Variants in ZNF609 observed in about 807,000 individuals in gnomAD.
ZNF609 encodes zinc finger protein 609.
A neutral mutation model predicts 109.5 loss-of-function variants in ZNF609; 11 were observed. The ratio of observed to expected loss-of-function variants is 0.10; its 90% CI spans 0.06 to 0.17. The LOEUF is 0.17. ZNF609 is among the 10% of genes least tolerant of loss of function. ZNF609 has a pLI of 1.00. For missense variants in ZNF609, 1,559 were observed against 1,772.4 expected, an observed-to-expected ratio of 0.88 and a Z score of 2.16; for synonymous variants, 646 against 662.0, an observed-to-expected ratio of 0.98 and a Z score of 0.37.
intron 2 of ZNF609, among the ~76,000 whole-genome samples, chr15:64,599,622 G>A (rs1421247721): frequency 1.3e-5 from 2 of 151,858 alleles, no homozygotes; most frequent in African/African-American, 4.8e-5. Flanking sequence ...ATTCCTAGGA[G>A]CCCTCCTTTT....
chr15:64,503,146 T>G (rs2140352860), intron 2 of ZNF609: 1 of 152,340 alleles, frequency 6.6e-6, no homozygotes, highest in South Asian at 2.1e-4. Flanking sequence ...CTGGGAAATT[T>G]TCTGTCAGAC....
chr15:64,534,344 C>T (rs982820936), intron 2 of ZNF609, among the ~76,000 whole-genome samples: 2 of 149,134 alleles, frequency 1.3e-5, no homozygotes, highest in African/African-American at 5.0e-5. Flanking sequence ...TAGAGTCTCG[C>T]TCTGTCGCCC....
chr15:64,574,109 A>G lies in ZNF609; in HGVS notation c.748-48718A>G, dbSNP rs1264026041. 4.6e-5 allele frequency among the ~76,000 whole-genome samples: 7 copies of G among 151,286 alleles called. No homozygotes were observed. In the South Asian group the frequency reaches 6.3e-4, roughly 14 times the overall value. ...AGGGGCCCCTGTTCACTGAGGGGCTAACAGCTGGAATTGTGGCACTGCATT... is the reference window on the plus strand; with the variant it reads ...AGGGGCCCCTGTTCACTGAGGGGCTGACAGCTGGAATTGTGGCACTGCATT... On this transcript the variant is annotated intron_variant, in intron 2 of 9. Transcript: ENST00000326648.
rs1435974587 is a variant in ZNF609, at chr15:64,675,730, C to T, written c.2876C>T (p.Ser959Leu). Residue 959 changes from serine (S) to leucine (L), a missense_variant, in exon 5 of 10, where the codon TCG becomes TTG. Ser to Leu is a moderately radical substitution (Grantham distance 145). This residue lies in a region of ZNF609 where 1,204 missense variants were observed against 1,314.1 expected (regional missense o/e 0.92). Transcript: ENST00000326648. ...CTGAGCAGTTCCAGTCAGCAGCCCT[C>T]GGTCATCCAGCAGCGTCCCAATATG... ...PELSSSSQQP[S>L]VIQQRPNMYM... 19 of 1,614,168 alleles carry T rather than the reference C, an allele frequency of 1.2e-5. No homozygotes were observed. The highest frequency in any genetic ancestry group is 1.5e-5 in the Non-Finnish European group (18 of 1,180,044).
intron 1 of ZNF609, among the ~76,000 whole-genome samples, chr15:64,479,857 T>G (rs926808588): frequency 6.6e-6 from 1 of 151,668 alleles, no homozygotes; most frequent in Non-Finnish European, 1.5e-5. Context: ...AGGCAGAGGT[T>G]GTAGTGAGCC....
chr15:64,547,297 A>T (rs1354368874), intron 2 of ZNF609, among the ~76,000 whole-genome samples: 1 of 152,098 alleles, frequency 6.6e-6, no homozygotes, highest in Non-Finnish European at 1.5e-5. Flanking sequence ...ACTCAACTTT[A>T]GACAGTGAGA....
intron 2 of ZNF609, among the ~76,000 whole-genome samples, chr15:64,563,825 A>AAT (rs2140406336): frequency 6.6e-6 from 1 of 151,962 alleles, no homozygotes; most frequent in African/African-American, 2.4e-5. Flanking sequence ...ATATATATAT[A>AAT]ATATATATGT....
At chr15:64,511,481 CAAAA>C (rs796464007) in intron 2 of ZNF609, among the ~76,000 whole-genome samples, 5 of 65,168 alleles carry the variant, frequency 7.7e-5, no homozygotes, top group African/African-American at 5.0e-5. Flanking sequence ...AACTTTGTCT[CAAAA>C]AAAAAAAAAA....
In ZNF609 at chr15:64,602,889, A is replaced by ATTTTT. The variant is rs10600562; in HGVS notation, c.748-19913_748-19909dup. Among the ~76,000 whole-genome samples the ATTTTT allele has an allele frequency of 2.2e-3, 164 of 75,162 alleles. 4 individuals carry two copies. Among genetic ancestry groups the ATTTTT allele is most frequent in the African/African-American group, 7.4e-3 (131 of 17,812 alleles). The allele number at this position is 75,162 out of a possible 152,430, so 49.3% of individuals were successfully genotyped here. On this transcript the variant is annotated intron_variant, in intron 2 of 9. Coordinates refer to ENST00000326648, the MANE Select transcript of ZNF609 (RefSeq NM_015042.2). Reference sequence around the variant, plus strand: ...AGGTGCCTGCCACCACTCTGGGCTAATTTTTTTTTTTTTTTTTTTTTTTTT... The same window carrying ATTTTT: ...AGGTGCCTGCCACCACTCTGGGCTAATTTTTTTTTTTTTTTTTTTTTTTTTTTTTT...
intron 2 of ZNF609, among the ~76,000 whole-genome samples, chr15:64,583,146 C>T (rs1057192748): frequency 1.5e-4 from 22 of 151,568 alleles, no homozygotes; most frequent in South Asian, 4.2e-4. Context: ...TAATTCTCTG[C>T]GTCAGCCTCC....
At chr15:64,627,543 C>G (rs942238137) in intron 3 of ZNF609, among the ~76,000 whole-genome samples, 1 of 152,116 alleles carries the variant, frequency 6.6e-6, no homozygotes, top group Admixed American at 6.6e-5. Flanking sequence ...ATATCTCTGC[C>G]ACTATCATTA....
intron 3 of ZNF609, among the ~76,000 whole-genome samples, chr15:64,630,148 A>G (rs1025848236): frequency 7.1e-6 from 1 of 140,982 alleles, no homozygotes; most frequent in Non-Finnish European, 1.5e-5. Flanking sequence ...CCCGGGGTAC[A>G]ATGGCCTCCA....
intron 2 of ZNF609, among the ~76,000 whole-genome samples, chr15:64,551,371 T>G (rs766988548): frequency 5.3e-5 from 8 of 152,086 alleles, no homozygotes; most frequent in Non-Finnish European, 1.2e-4. Flanking sequence ...AAAGTAGATG[T>G]CTTGCTTGGC....
chr15:64,498,512 C>T (rs1336933738), intron 1 of ZNF609, among the ~76,000 whole-genome samples: 3 of 152,112 alleles, frequency 2.0e-5, no homozygotes. Flanking sequence ...TAGTAGTGTC[C>T]AGTTTTTCAT....
At chr15:64,591,118 T>C (rs1297069688) in intron 2 of ZNF609, among the ~76,000 whole-genome samples, 1 of 151,482 alleles carries the variant, frequency 6.6e-6, no homozygotes, top group Non-Finnish European at 1.5e-5. Flanking sequence ...GAGGATTGCT[T>C]GAGCCCAGGA....
chr15:64,604,241 A>G (rs1458795076), intron 2 of ZNF609, among the ~76,000 whole-genome samples: 1 of 152,244 alleles, frequency 6.6e-6, no homozygotes. Context: ...AAAGGAATCC[A>G]GAAAAAGAAT....
At chr15:64,563,968 C>T (rs1011587494) in intron 2 of ZNF609, among the ~76,000 whole-genome samples, 5 of 152,060 alleles carry the variant, frequency 3.3e-5, no homozygotes, top group Admixed American at 1.3e-4. Context: ...ACTGCAGCCT[C>T]CACCTCCTGG....
intron 3 of ZNF609, among the ~76,000 whole-genome samples, chr15:64,669,471 A>G (rs2141010703): frequency 6.6e-6 from 1 of 152,336 alleles, no homozygotes; most frequent in South Asian, 2.1e-4. Context: ...ACATATTTGC[A>G]TATATACATA....
intron 3 of ZNF609, among the ~76,000 whole-genome samples, chr15:64,653,378 C>T (rs1256260801): frequency 1.3e-5 from 2 of 152,080 alleles, no homozygotes; most frequent in African/African-American, 2.4e-5. Flanking sequence ...GGCGCAGTGG[C>T]TCACGCCTGT....
Sources: allele counts gnomAD v4.1 joint callset (sites outside exome capture counted in the v4.1 genomes callset), GRCh38; gene constraint gnomAD v4.1.1; regional missense constraint gnomAD v4.1.1; transcripts MANE v1.5; gene names NCBI Gene and HGNC (gene_info 2026-07-23, HGNC 2026-07-21).